SNX6: variants seen among roughly 807,000 people sequenced by gnomAD.
SNX6 encodes the protein sorting nexin-6.
In SNX6, 34 loss-of-function variants were observed where a neutral mutation model predicts 63.0. The ratio of observed to expected loss-of-function variants is 0.54; its 90% CI spans 0.41 to 0.72. The LOEUF (loss-of-function observed/expected upper bound fraction) is 0.72, where lower values mean the gene tolerates loss of function less well. Ranked by LOEUF, SNX6 falls within the 30% of genes least tolerant of loss-of-function variation. The pLI is 0.00. For missense variants in SNX6, 398 were observed against 471.4 expected, an observed-to-expected ratio of 0.84 and a Z score of 1.44; for synonymous variants, 170 against 164.2, an observed-to-expected ratio of 1.04 and a Z score of -0.27.
At chr14:34,618,280 C>G (rs1435232896) in intron 2 of SNX6, among the ~76,000 whole-genome samples, 1 of 152,138 alleles carries the variant, frequency 6.6e-6, no homozygotes, top group African/African-American at 2.4e-5. Flanking sequence ...GCCTACCAGG[C>G]ACTATAAAAT....
intron 8 of SNX6, 31 bp from the exon 9 acceptor site, chr14:34,586,336 C>G: frequency 7.2e-7 from 1 of 1,386,050 alleles, no homozygotes; most frequent in Non-Finnish European, 1.0e-6. Flanking sequence ...ATTTAGTATA[C>G]CTATTCATAG....
At chr14:34,628,940 G>A (rs976586707) in intron 2 of SNX6, among the ~76,000 whole-genome samples, 1 of 151,978 alleles carries the variant, frequency 6.6e-6, no homozygotes, top group Non-Finnish European at 1.5e-5. Flanking sequence ...AAAGGGGGTG[G>A]AGAGTGGGGT....
rs931856948 is a variant in SNX6, at chr14:34,562,636, A to C, written c.*486T>G. 1.3e-5 allele frequency: 2 copies of C among 152,872 alleles called. No homozygotes were observed. The highest frequency in any genetic ancestry group is 2.9e-5 in the Non-Finnish European group (2 of 68,216). 9.5% of individuals were successfully genotyped at this position (152,872 alleles called of 1,614,324 possible). A position where few individuals can be genotyped will look rare whatever the true frequency, so the allele number is the denominator to read the frequency against. The stretch of plus-strand genomic sequence containing the variant: ...TCTAAGAAATATTCAGTAATTAAAA[A>C]TAAGTCTGATTAAGATGCTTTACCA... On this transcript the variant is annotated 3_prime_UTR_variant, in exon 14 of 14. Transcript: ENST00000362031.
At chr14:34,588,737 T>C (rs771048219) in intron 8 of SNX6, among the ~76,000 whole-genome samples, 9 of 152,154 alleles carry the variant, frequency 5.9e-5, no homozygotes, top group Non-Finnish European at 1.0e-4. Context: ...AGATGCCAGT[T>C]CTCTCCAAAT....
intron 13 of SNX6, among the ~76,000 whole-genome samples, chr14:34,567,095 G>A (rs540701616): frequency 1.1e-4 from 17 of 148,114 alleles, no homozygotes; most frequent in Non-Finnish European, 2.1e-4. Context: ...GTGGTGGCAC[G>A]CACCTGTAGT....
rs1405522459 is a variant in SNX6, at chr14:34,575,830, G to A, written c.847C>T (p.Arg283Ter). Residue 283 changes from arginine to a stop codon, truncating the protein, a stop_gained, in exon 11 of 14, where the codon CGA becomes TGA. Coordinates refer to ENST00000362031, the MANE Select transcript of SNX6 (RefSeq NM_152233.4). LOFTEE classifies it high-confidence loss of function. ...LFDKTRKIEA[R>*]VSADEDLKLS... ...TTGAGGTCTTCATCAGCAGACACTC[G>A]TGCTTCTATTTTCTGAAAAGAAGGA... 2.5e-6 allele frequency: 4 copies of A among 1,579,070 alleles called. No individual in the cohort carries two copies. Among genetic ancestry groups the A allele is most frequent in the African/African-American group, 1.4e-5 (1 of 73,384 alleles).
intron 9 of SNX6, among the ~76,000 whole-genome samples, chr14:34,584,531 CG>C (rs1882071213): frequency 6.6e-6 from 1 of 151,722 alleles, no homozygotes; most frequent in African/African-American, 2.4e-5. Flanking sequence ...CACCGTCTTC[CG>C]GGGGGCGGGT....
At chr14:34,589,822 T>C (rs990856930) in intron 8 of SNX6, among the ~76,000 whole-genome samples, 1 of 150,552 alleles carries the variant, frequency 6.6e-6, no homozygotes, top group Non-Finnish European at 1.5e-5. Context: ...AGAGACTCTG[T>C]CTAGGGAAAA....
chr14:34,566,759 T>C (rs1375541429), intron 13 of SNX6, among the ~76,000 whole-genome samples: 4 of 152,064 alleles, frequency 2.6e-5, no homozygotes, highest in Non-Finnish European at 5.9e-5. Context: ...TAATTCAAAG[T>C]AAACAACTAA....
At chr14:34,581,702 C>T in intron 9 of SNX6, 102 bp from the exon 10 acceptor site, 2 of 640,046 alleles carry the variant, frequency 3.1e-6, no homozygotes, top group South Asian at 4.7e-5. Flanking sequence ...CACCTTGTCT[C>T]ATTGCAGTTA....
intron 2 of SNX6, chr14:34,629,682 C>A: frequency 1.3e-6 from 1 of 744,620 alleles, no homozygotes. Context: ...CGAACAGCGG[C>A]GGGGGACAAG....
rs536534314 is a variant in SNX6 at position 34,574,133 on chromosome 14, C to T, written c.921+1623G>A. Among the ~76,000 whole-genome samples the T allele has an allele frequency of 8.9e-3, 1,344 of 150,440 alleles. 9 individuals are homozygous for T. The highest frequency in any genetic ancestry group is 0.015 in the Admixed American group (224 of 15,068). On this transcript the variant is annotated intron_variant, in intron 11 of 13. Coordinates refer to ENST00000362031, the MANE Select transcript of SNX6 (RefSeq NM_152233.4). Reference sequence around the variant, plus strand: ...TGGGGGGATCACGGGGTCAGGAGTTCGAGACCAGCCTGGCCAATATGGTGA... The same window carrying T: ...TGGGGGGATCACGGGGTCAGGAGTTTGAGACCAGCCTGGCCAATATGGTGA...
At chr14:34,614,842 T>C (rs528250428) in intron 2 of SNX6, among the ~76,000 whole-genome samples, 4 of 152,208 alleles carry the variant, frequency 2.6e-5, no homozygotes, top group South Asian at 2.1e-4. Flanking sequence ...GAGTTTGAGG[T>C]TGCAGTGAGC....
chr14:34,566,794 G>GC (rs1881201445), intron 13 of SNX6, among the ~76,000 whole-genome samples: 1 of 152,158 alleles, frequency 6.6e-6, no homozygotes, highest in African/African-American at 2.4e-5. Flanking sequence ...AGAGGGCCAG[G>GC]CATGGTGGCA....
chr14:34,609,573 T>C, intron 3 of SNX6, 65 bp downstream of exon 3: 1 of 861,832 alleles, frequency 1.2e-6, no homozygotes, highest in South Asian at 2.0e-5. Context: ...CCAAGTCTGG[T>C]CAACATATCA....
chr14:34,564,573 A>T (rs1881084438), intron 13 of SNX6, among the ~76,000 whole-genome samples: 1 of 152,042 alleles, frequency 6.6e-6, no homozygotes, highest in Admixed American at 6.6e-5. Flanking sequence ...CACGCCTGCA[A>T]TCCCAGCACT....
intron 2 of SNX6, among the ~76,000 whole-genome samples, chr14:34,617,406 A>G (rs991508182): frequency 2.0e-5 from 3 of 152,074 alleles, no homozygotes; most frequent in African/African-American, 7.2e-5. Flanking sequence ...TTGGGAGGCC[A>G]AGGCAGAAGG....
At chr14:34,610,629 C>T (rs1883192313) in intron 2 of SNX6, among the ~76,000 whole-genome samples, 2 of 152,108 alleles carry the variant, frequency 1.3e-5, no homozygotes, top group Non-Finnish European at 2.9e-5. Flanking sequence ...CCATAAACTA[C>T]ATTTGAAGAA....
intron 7 of SNX6, among the ~76,000 whole-genome samples, chr14:34,595,939 G>C (rs1182949369): frequency 1.3e-5 from 2 of 152,054 alleles, no homozygotes; most frequent in Non-Finnish European, 2.9e-5. Flanking sequence ...GGTGTTTTCG[G>C]CCGGGCGCGG....
Sources: allele counts gnomAD v4.1 joint callset (sites outside exome capture counted in the v4.1 genomes callset), GRCh38; gene constraint gnomAD v4.1.1; transcripts MANE v1.5; gene names NCBI Gene and HGNC (gene_info 2026-07-23, HGNC 2026-07-21).